The following CNGA1 variants were observed in gnomAD, a reference collection of about 807,000 sequenced individuals.
The protein encoded by CNGA1 is cyclic nucleotide gated channel subunit alpha 1, also known as cyclic nucleotide-gated channel alpha-1.
Under a neutral mutation model 69.7 loss-of-function variants are expected in CNGA1, and 53 were observed. The observed-to-expected ratio is 0.76, with a 90% confidence interval of 0.61 to 0.96. The LOEUF is 0.96. Ranked by LOEUF, CNGA1 falls within the 40% of genes least tolerant of loss-of-function variation. The probability of loss-of-function intolerance (pLI) is 0.00; values close to 1 mark genes in which losing one functional copy is unlikely to be tolerated. For synonymous variants in CNGA1, 249 were observed against 283.5 expected (o/e 0.88, Z 1.22); for missense variants, 739 against 811.2 (o/e 0.91, Z 1.08).
At position 47,941,274 on chromosome 4, in the gene CNGA1, T is replaced by C. The variant is rs536423663; in HGVS notation, c.546-405A>G. On this transcript the variant is annotated intron_variant, in intron 9 of 10. Transcript: ENST00000514170. Reference sequence around the variant, plus strand: ...TCACACTATATGCATTATATACAAGTAACAAAATTTCACATGTACCCGATA... The same window carrying C: ...TCACACTATATGCATTATATACAAGCAACAAAATTTCACATGTACCCGATA... Among the ~76,000 whole-genome samples the C allele has an allele frequency of 3.3e-5, 5 of 152,274 alleles. No homozygotes were observed. The South Asian group carries it at 1.0e-3, about 32-fold the overall frequency.
rs189596438 is a variant in CNGA1, at chr4:48,013,701, G to A, written c.-223+2782C>T. ...TTTTCCCTTTAGCTTAGTGATTTGG[G>A]GGCTCCACTATTGATTTTCTTTCAC... is the stretch of plus-strand genomic sequence containing the variant. On this transcript the variant is annotated intron_variant, in intron 1 of 10. Coordinates refer to ENST00000514170, the MANE Select transcript of CNGA1 (RefSeq NM_001379270.1). Among the ~76,000 whole-genome samples the A allele has an allele frequency of 3.5e-3, 532 of 152,244 alleles. 1 individual carries two copies. Among genetic ancestry groups the A allele is most frequent in the Non-Finnish European group, 6.0e-3 (406 of 68,022 alleles).
At chr4:47,961,832 T>C (rs575692748) in intron 3 of CNGA1, among the ~76,000 whole-genome samples, 1 of 152,358 alleles carries the variant, frequency 6.6e-6, no homozygotes, top group South Asian at 2.1e-4. Context: ...TTTTAAACTT[T>C]ATTTAATTTT....
chr4:47,962,045 T>C (rs1450923751), intron 3 of CNGA1, among the ~76,000 whole-genome samples: 2 of 152,122 alleles, frequency 1.3e-5, no homozygotes, highest in Non-Finnish European at 2.9e-5. Context: ...TGATTACAGA[T>C]TTTTAAAATA....
intron 2 of CNGA1, among the ~76,000 whole-genome samples, chr4:47,995,700 T>G (rs932538699): frequency 2.6e-5 from 4 of 152,090 alleles, no homozygotes; most frequent in Non-Finnish European, 5.9e-5. Context: ...GTGTGATTTT[T>G]GGGGGGTGTT....
intron 3 of CNGA1, among the ~76,000 whole-genome samples, chr4:47,971,917 C>CAAACA (rs143896012): frequency 4.5e-4 from 17 of 37,416 alleles, no homozygotes; most frequent in African/African-American, 8.2e-4. Context: ...AACAAACAAA[C>CAAACA]AACAACAACA....
At chr4:48,003,717 A>C (rs2109348669) in intron 2 of CNGA1, among the ~76,000 whole-genome samples, 1 of 152,288 alleles carries the variant, frequency 6.6e-6, no homozygotes, top group African/African-American at 2.4e-5. Flanking sequence ...GGGAGAAGTG[A>C]CCAGAAGACA....
At chr4:47,982,908 A>T (rs1225605869) in intron 2 of CNGA1, among the ~76,000 whole-genome samples, 2 of 152,022 alleles carry the variant, frequency 1.3e-5, no homozygotes, top group Non-Finnish European at 2.9e-5. Context: ...AGGTTCAAGC[A>T]ATTCTCCTGC....
rs939896174 is a variant in CNGA1 at position 48,016,669 on chromosome 4, C to T, written c.-409G>A. 6.7e-6 allele frequency: 4 copies of T among 593,556 alleles called. No individual in the cohort carries two copies. Among genetic ancestry groups the T allele is most frequent in the Non-Finnish European group, 1.1e-5 (4 of 353,038 alleles). 36.8% of individuals were successfully genotyped at this position (593,556 alleles called of 1,614,324 possible). On this transcript the variant is annotated 5_prime_UTR_variant, in exon 1 of 11. Transcript: ENST00000514170. ...TCGCAACAAGCCCCGGGCAGCAGGG[C>T]TCGGCTGGCGCTGAGGCCCCGCCTG...
In CNGA1 at chr4:47,937,749, C is replaced by A. The variant is rs1738768036; in HGVS notation, c.733G>T (p.Asp245Tyr). Residue 245 changes from aspartate (D) to tyrosine (Y), a missense_variant, in exon 11 of 11, where the codon GAT becomes TAT. By Grantham distance (160) the Asp-to-Tyr change is radical. Coordinates refer to ENST00000514170, the MANE Select transcript of CNGA1 (RefSeq NM_001379270.1). ...KYKSNLQFKLDVLSLIPTDLL... is the reference protein window; with the variant it reads ...KYKSNLQFKLYVLSLIPTDLL... ...TCAGTTGGTATCAGTGACAGAACATCAAGTTTAAATTGCAAGTTGGATTTA... is the reference window on the plus strand; with the variant it reads ...TCAGTTGGTATCAGTGACAGAACATAAAGTTTAAATTGCAAGTTGGATTTA... 1 of 1,613,692 alleles carries A rather than the reference C, an allele frequency of 6.2e-7. No homozygotes were observed. Among genetic ancestry groups the A allele is most frequent in the African/African-American group, 1.3e-5 (1 of 74,930 alleles).
chr4:47,982,649 AATATT>A (rs1741772499), intron 2 of CNGA1, among the ~76,000 whole-genome samples: 2 of 152,092 alleles, frequency 1.3e-5, no homozygotes, highest in African/African-American at 2.4e-5. Context: ...GATTTTATGT[AATATT>A]ATATTATGAT....
intron 1 of CNGA1, among the ~76,000 whole-genome samples, chr4:48,011,392 C>T (rs1245686455): frequency 7.2e-6 from 1 of 138,228 alleles, no homozygotes; most frequent in Non-Finnish European, 1.6e-5. Context: ...CACATGCACA[C>T]ATGCACACAC....
chr4:48,016,352 T>G (rs956977428), intron 1 of CNGA1, 131 bp downstream of exon 1: 1 of 162,784 alleles, frequency 6.1e-6, no homozygotes, highest in African/African-American at 2.4e-5. Flanking sequence ...GCAGCTTCGG[T>G]GCAAAGCAAC....
chr4:47,990,901 T>C lies in CNGA1; in HGVS notation c.-122-9401A>G, dbSNP rs114097030. ...ACGAGCGAGAATATACAATATTTGG[T>C]TTCCCATTCCTGAGTTACTTCACTT... On this transcript the variant is annotated intron_variant, in intron 2 of 10. Transcript: ENST00000514170. Among the ~76,000 whole-genome samples, 1,376 of 152,316 alleles carry C rather than the reference T, an allele frequency of 9.0e-3. 18 individuals carry two copies. Among genetic ancestry groups the C allele is most frequent in the African/African-American group, 0.03 (1,262 of 41,566 alleles).
At chr4:47,981,591 TAAAC>T (rs1434451588) in intron 2 of CNGA1, 91 bp from the exon 3 acceptor site, 1 of 152,136 alleles carries the variant, frequency 6.6e-6, no homozygotes, top group Non-Finnish European at 1.5e-5. Context: ...CCCAGGGAAA[TAAAC>T]AGTTCGTCGC....
chr4:47,970,927 G>A (rs1436227755), intron 3 of CNGA1: 6 of 453,554 alleles, frequency 1.3e-5, no homozygotes, highest in Non-Finnish European at 2.6e-5. Context: ...AGGCTGAGGT[G>A]GGCAGATCAC....
At chr4:48,012,646 A>T (rs1437633809) in intron 1 of CNGA1, among the ~76,000 whole-genome samples, 1 of 120,240 alleles carries the variant, frequency 8.3e-6, no homozygotes, top group Non-Finnish European at 1.6e-5. Flanking sequence ...TTTCCTTTGG[A>T]TTTGATCAAG....
At chr4:48,004,722 C>G (rs1714839387) in intron 2 of CNGA1, among the ~76,000 whole-genome samples, 1 of 152,138 alleles carries the variant, frequency 6.6e-6, no homozygotes, top group South Asian at 2.1e-4. Flanking sequence ...ACTCTGAAGT[C>G]CACATATCAA....
At chr4:47,994,095 C>A (rs1188922468) in intron 2 of CNGA1, among the ~76,000 whole-genome samples, 1 of 152,040 alleles carries the variant, frequency 6.6e-6, no homozygotes, top group Non-Finnish European at 1.5e-5. Flanking sequence ...TGTGGCCTAT[C>A]ATATTGTCTA....
chr4:47,990,556 G>A (rs571045110), intron 2 of CNGA1, among the ~76,000 whole-genome samples: 1 of 152,136 alleles, frequency 6.6e-6, no homozygotes, highest in East Asian at 1.9e-4. Context: ...TTCTAATTTT[G>A]CCTTGCCTTG....
Sources: gnomAD v4.1 joint callset for allele counts (sites outside exome capture counted in the v4.1 genomes callset) on GRCh38, gnomAD v4.1.1 for gene constraint, MANE v1.5 for transcripts, NCBI Gene and HGNC (gene_info 2026-07-23, HGNC 2026-07-21) for gene names.